FOXP4: variants seen among roughly 807,000 people sequenced by gnomAD.
The protein encoded by FOXP4 is forkhead box protein P4.
FOXP4 carries 25 observed loss-of-function variants against 82.6 expected under a neutral mutation model. The ratio of observed to expected loss-of-function variants is 0.30; its 90% confidence interval spans 0.22 to 0.42. The LOEUF is 0.42. Among genes scored for constraint, FOXP4 ranks in the 10% least tolerant of loss-of-function variants. The probability of loss-of-function intolerance (pLI) is 1.00; values close to 1 mark genes in which losing one functional copy is unlikely to be tolerated. For missense variants in FOXP4, 785 were observed against 900.9 expected, an observed-to-expected ratio of 0.87 and a Z score of 1.65; for synonymous variants, 415 against 388.2, an observed-to-expected ratio of 1.07 and a Z score of -0.81.
At chr6:41,567,196 G>A (rs567323466) in intron 2 of FOXP4, among the ~76,000 whole-genome samples, 3 of 152,356 alleles carry the variant, frequency 2.0e-5, no homozygotes, top group East Asian at 3.9e-4. Flanking sequence ...GCCTGCCTGA[G>A]CCCTGGCCTC....
chr6:41,556,854 A>G (rs915551186), intron 1 of FOXP4, among the ~76,000 whole-genome samples: 1 of 152,220 alleles, frequency 6.6e-6, no homozygotes, highest in Admixed American at 6.5e-5. Context: ...ATGCTTGGAA[A>G]GCTTTTTAAA....
intron 16 of FOXP4, 76 bp downstream of exon 16, chr6:41,598,026 G>A: frequency 1.6e-6 from 2 of 1,230,470 alleles, no homozygotes. Flanking sequence ...CCCCCACCCT[G>A]GGTGGGGTTC....
At chr6:41,567,540 A>T (rs183726002) in intron 2 of FOXP4, among the ~76,000 whole-genome samples, 2 of 152,324 alleles carry the variant, frequency 1.3e-5, no homozygotes, top group East Asian at 3.9e-4. Context: ...AGAAATCTCC[A>T]AGGCCACCCA....
At chr6:41,572,275 C>T (rs1765241833) in intron 2 of FOXP4, among the ~76,000 whole-genome samples, 1 of 152,176 alleles carries the variant, frequency 6.6e-6, no homozygotes, top group Non-Finnish European at 1.5e-5. Flanking sequence ...TGTGTCTCCT[C>T]AGAGAGGCCT....
In FOXP4 at chr6:41,599,058, G is replaced by A; in HGVS notation, c.*122G>A. On this transcript the variant is annotated 3_prime_UTR_variant, in exon 17 of 17. Coordinates refer to ENST00000307972, the MANE Select transcript of FOXP4 (RefSeq NM_001012426.2). The stretch of plus-strand genomic sequence containing the variant: ...GCAAGTCCAGGACTCAGACCGGGGA[G>A]GCCCGGGCCAGCAGCTCCCAGTGTG... 2.2e-6 allele frequency: 3 copies of A among 1,355,586 alleles called. No homozygotes were observed. The highest frequency in any genetic ancestry group is 2.6e-5 in the East Asian group (1 of 39,198). 84.0% of individuals were successfully genotyped at this position (1,355,586 alleles called of 1,614,324 possible). A position where few individuals can be genotyped will look rare whatever the true frequency, so the allele number is the denominator to read the frequency against.
intron 13 of FOXP4, among the ~76,000 whole-genome samples, chr6:41,594,207 CT>C (rs1341652670): frequency 6.6e-6 from 1 of 152,214 alleles, no homozygotes; most frequent in African/African-American, 2.4e-5. Context: ...GACTTATCTT[CT>C]TTCTCTCCTC....
intron 3 of FOXP4, among the ~76,000 whole-genome samples, chr6:41,579,346 C>T (rs754858390): frequency 2.0e-5 from 3 of 152,160 alleles, no homozygotes; most frequent in Non-Finnish European, 4.4e-5. Context: ...CATACCCATG[C>T]TGGTCAGGAT....
chr6:41,598,534 TCTC>T lies in FOXP4; in HGVS notation c.1896-252_1896-250del, dbSNP rs1321124720. Among the ~76,000 whole-genome samples the T allele has an allele frequency of 4.6e-5, 7 of 152,188 alleles. No homozygotes were observed. In the East Asian group the frequency reaches 9.7e-4, roughly 21 times the overall value. On this transcript the variant is annotated intron_variant, in intron 16 of 16. Transcript: ENST00000307972. ...CGCCTGGCCTCTCTTCTATCTTTCT[TCTC>T]CTTCCTCCGTTCGCTCATCTCCCCT...
At chr6:41,590,899 G>A (rs575036790) in intron 12 of FOXP4, among the ~76,000 whole-genome samples, 1 of 152,330 alleles carries the variant, frequency 6.6e-6, no homozygotes, top group East Asian at 1.9e-4. Flanking sequence ...AAGAAAGACA[G>A]GACTGACTGC....
intron 4 of FOXP4, among the ~76,000 whole-genome samples, 181 bp from the exon 5 acceptor site, chr6:41,585,250 T>G (rs543717323): frequency 6.6e-6 from 1 of 152,120 alleles, no homozygotes; most frequent in Admixed American, 6.5e-5. Context: ...AACTCCTCCA[T>G]CCCTTGCTCC....
Position 41,590,064 on chromosome 6 carries a change from C to T in FOXP4, c.1251C>T (p.Ala417=). ...TGCACCCCCCGACCTCGGCCGCAGC[C>T]CCTGTCACCCCTCTACGGCCCCCTG... The part of the protein sequence containing the change: ...GLVHPPTSAA[A]PVTPLRPPGL... Residue 417 remains alanine (A), a synonymous_variant, in exon 11 of 17, where the codon GCC becomes GCT. Coordinates refer to ENST00000307972, the MANE Select transcript of FOXP4 (RefSeq NM_001012426.2). 6.2e-7 allele frequency: 1 copy of T among 1,613,928 alleles called. No individual in the cohort carries two copies. Among genetic ancestry groups the T allele is most frequent in the Non-Finnish European group, 8.5e-7 (1 of 1,179,978 alleles).
At chr6:41,566,437 C>T in intron 2 of FOXP4, among the ~76,000 whole-genome samples, 1 of 152,222 alleles carries the variant, frequency 6.6e-6, no homozygotes, top group Non-Finnish European at 1.5e-5. Flanking sequence ...CCATTTCCAG[C>T]AGTGAAGAGA....
intron 2 of FOXP4, among the ~76,000 whole-genome samples, chr6:41,567,897 C>A (rs1319137521): frequency 6.6e-6 from 1 of 152,146 alleles, no homozygotes; most frequent in Non-Finnish European, 1.5e-5. Context: ...TGGAGGCAGG[C>A]AGAGGGCTGT....
At chr6:41,557,790 C>T (rs961013171) in intron 1 of FOXP4, among the ~76,000 whole-genome samples, 40 of 150,868 alleles carry the variant, frequency 2.7e-4, no homozygotes, top group African/African-American at 9.5e-4. Context: ...ATTTTTTTTT[C>T]TTTTTTTCAA....
chr6:41,574,902 C>G (rs1342445857), intron 2 of FOXP4, among the ~76,000 whole-genome samples: 2 of 152,212 alleles, frequency 1.3e-5, no homozygotes, highest in Non-Finnish European at 2.9e-5. Context: ...TCTCTGACCC[C>G]TGGCACTCAC....
chr6:41,595,178 G>GATAATC (rs1457498051), intron 14 of FOXP4, among the ~76,000 whole-genome samples, 187 bp downstream of exon 14: 1 of 152,234 alleles, frequency 6.6e-6, no homozygotes, highest in Non-Finnish European at 1.5e-5. Flanking sequence ...GGAAGTGATG[G>GATAATC]ATAATCAGAA....
chr6:41,579,932 C>T (rs758441679), intron 3 of FOXP4, among the ~76,000 whole-genome samples: 1 of 152,084 alleles, frequency 6.6e-6, no homozygotes. Context: ...ATTCTAGCCC[C>T]ATCTTGCAGA....
At chr6:41,587,245 G>A (rs1766190992) in intron 6 of FOXP4, 54 bp from the exon 7 acceptor site, 2 of 1,608,572 alleles carry the variant, frequency 1.2e-6, no homozygotes, top group African/African-American at 1.3e-5. Flanking sequence ...TTGGGGCCAG[G>A]TAGAAAGCCG....
At chr6:41,565,718 TC>T in intron 1 of FOXP4, 26 bp from the exon 2 acceptor site, 1 of 1,551,858 alleles carries the variant, frequency 6.4e-7, no homozygotes, top group Non-Finnish European at 8.8e-7. Flanking sequence ...CCTCAGCCTC[TC>T]CCCTGTGTCT....
Sources: gnomAD v4.1 joint callset for allele counts (sites outside exome capture counted in the v4.1 genomes callset) on GRCh38, gnomAD v4.1.1 for gene constraint, MANE v1.5 for transcripts, NCBI Gene and HGNC (gene_info 2026-07-23, HGNC 2026-07-21) for gene names.